The following WASF3 variants were observed in gnomAD, a reference collection of about 807,000 sequenced individuals.
WASF3 encodes the protein WASP family member 3, also known as actin-binding protein WASF3.
A neutral mutation model predicts 46.6 loss-of-function variants in WASF3; 11 were observed. The ratio of observed to expected loss-of-function variants is 0.24; its 90% CI spans 0.15 to 0.39. The LOEUF is 0.39. Ranked by LOEUF, WASF3 falls within the 10% of genes least tolerant of loss-of-function variation. The pLI, the probability that WASF3 is intolerant of heterozygous loss-of-function variation, is 1.00. For synonymous variants in WASF3, 242 were observed against 259.7 expected (o/e 0.93, Z 0.65); for missense variants, 576 against 669.8 (o/e 0.86, Z 1.55).
In WASF3 at chr13:26,681,279, G is replaced by A. The variant is rs979885928; in HGVS notation, c.942G>A (p.Glu314=). Residue 314 remains glutamate, a synonymous_variant, in exon 8 of 10, where the codon GAG becomes GAA. Transcript: ENST00000335327. ...PPPPPPPQAP[E]GSQASAPMAP... ...CCCCGCCTCCCCCTCAGGCCCCAGA[G>A]GGGTCCCAGGCCTCTGCACCGATGG... 3.7e-6 allele frequency: 6 copies of A among 1,612,696 alleles called. No individual in the cohort carries two copies. Among genetic ancestry groups the A allele is most frequent in the Non-Finnish European group, 5.1e-6 (6 of 1,179,572 alleles).
At chr13:26,597,137 A>T (rs566623597) in intron 1 of WASF3, among the ~76,000 whole-genome samples, 10 of 151,960 alleles carry the variant, frequency 6.6e-5, no homozygotes, top group African/African-American at 2.2e-4. Flanking sequence ...ATTTCTATTT[A>T]TTATTATTAT....
At chr13:26,589,494 T>TTAGTA (rs1195558509) in intron 1 of WASF3, among the ~76,000 whole-genome samples, 1 of 152,222 alleles carries the variant, frequency 6.6e-6, no homozygotes, top group Non-Finnish European at 1.5e-5. Flanking sequence ...AAAGTCTTAC[T>TTAGTA]GAGGTTTAGT....
intron 3 of WASF3, among the ~76,000 whole-genome samples, chr13:26,652,433 A>G (rs1373401701): frequency 6.6e-6 from 1 of 152,212 alleles, no homozygotes; most frequent in Non-Finnish European, 1.5e-5. Context: ...GATTTTAACA[A>G]GTACCGCTCA....
the WASF3 span, among the ~76,000 whole-genome samples, chr13:26,548,065 T>C: frequency 1.3e-5 from 2 of 152,170 alleles, no homozygotes; most frequent in Non-Finnish European, 2.9e-5. Context: ...TTGACCTTAT[T>C]TTAAGTTTTG....
intron 1 of WASF3, among the ~76,000 whole-genome samples, chr13:26,574,906 G>A (rs1274880024): frequency 2.7e-5 from 4 of 150,042 alleles, no homozygotes; most frequent in East Asian, 3.9e-4. Context: ...GTGCGATCTC[G>A]GCTCACTGCA....
rs1309156190 is a variant in WASF3, at chr13:26,682,826, A to G, written c.1203A>G (p.Pro401=). The change falls in exon 9 of 10, where the codon CCA becomes CCG. Residue 401 remains proline (P), a synonymous_variant. Coordinates refer to ENST00000335327, the MANE Select transcript of WASF3 (RefSeq NM_006646.6). This position sits in a 1 kb window ranked among gnomAD's most constrained non-coding sequence, Gnocchi z 4.4. ...CAGCCCCGCCACCCCCGGGCCCACCACCTCCCCCGCCAGGCCCTCCTGGTC... is the reference window on the plus strand; with the variant it reads ...CAGCCCCGCCACCCCCGGGCCCACCGCCTCCCCCGCCAGGCCCTCCTGGTC... ...LVTAPPPPGP[P]PPPPGPPGPG... 1 of 1,576,606 alleles carries G rather than the reference A, an allele frequency of 6.3e-7. No homozygotes were observed.
At chr13:26,587,102 CAAAAAAA>C (rs57542558) in intron 1 of WASF3, among the ~76,000 whole-genome samples, 9 of 64,274 alleles carry the variant, frequency 1.4e-4, no homozygotes, top group Admixed American at 1.1e-3. Flanking sequence ...GACCCTGCCT[CAAAAAAA>C]AAAAAAAAAA....
upstream of WASF3, among the ~76,000 whole-genome samples, chr13:26,553,749 G>A (rs1017108228): frequency 6.6e-5 from 10 of 151,554 alleles, no homozygotes; most frequent in South Asian, 2.1e-4. Flanking sequence ...CCCAGGAGGC[G>A]GAGCTTGCAG....
chr13:26,646,733 G>A lies in WASF3; in HGVS notation c.133+4330G>A, dbSNP rs180906481. 4.1e-3 allele frequency among the ~76,000 whole-genome samples: 603 copies of A among 146,846 alleles called. 5 individuals carry two copies. Among genetic ancestry groups the A allele is most frequent in the African/African-American group, 0.014 (570 of 41,442 alleles). ...GCCTGCCCTGGTCATCCCTGCTTGA[G>A]CAGCAGGAACTTGCCCTGGGAGACC... is the stretch of plus-strand genomic sequence containing the variant. On this transcript the variant is annotated intron_variant, in intron 3 of 9. Coordinates refer to ENST00000335327, the MANE Select transcript of WASF3 (RefSeq NM_006646.6).
intron 1 of WASF3, among the ~76,000 whole-genome samples, chr13:26,605,885 C>T (rs912801870): frequency 6.6e-6 from 1 of 152,148 alleles, no homozygotes; most frequent in African/African-American, 2.4e-5. Context: ...TCAATTTGAA[C>T]TTAAATCATC....
chr13:26,638,036 G>A (rs977309968), intron 2 of WASF3: 1 of 152,402 alleles, frequency 6.6e-6, no homozygotes, highest in Non-Finnish European at 1.5e-5. Flanking sequence ...GACCCTTGCA[G>A]TGGGGAGGAG....
chr13:26,646,597 A>G (rs867069307), intron 3 of WASF3, among the ~76,000 whole-genome samples: 1 of 151,938 alleles, frequency 6.6e-6, no homozygotes, highest in Admixed American at 6.6e-5. Flanking sequence ...ACAGATTGGG[A>G]TAGATGATGT....
At chr13:26,598,177 ATCTCATTGTGGT>A (rs904364904) in intron 1 of WASF3, among the ~76,000 whole-genome samples, 2 of 152,324 alleles carry the variant, frequency 1.3e-5, no homozygotes, top group East Asian at 3.9e-4. Flanking sequence ...ATGAGATGGT[ATCTCATTGTGGT>A]TTTGATTTGC....
chr13:26,674,964 T>C (rs1883020901), intron 6 of WASF3, among the ~76,000 whole-genome samples: 1 of 152,256 alleles, frequency 6.6e-6, no homozygotes, highest in African/African-American at 2.4e-5. Flanking sequence ...ACCATTTCTT[T>C]ATCTTCTGTG....
chr13:26,672,056 A>T, intron 6 of WASF3, 67 bp downstream of exon 6: 1 of 1,209,778 alleles, frequency 8.3e-7, no homozygotes, highest in African/African-American at 1.5e-5. Flanking sequence ...TAGAAATAGT[A>T]AATTATTTAA....
chr13:26,678,925 G>A (rs1025845458), intron 7 of WASF3, among the ~76,000 whole-genome samples: 5 of 152,088 alleles, frequency 3.3e-5, no homozygotes, highest in Non-Finnish European at 5.9e-5. Flanking sequence ...ACTTCCTCCC[G>A]TGTGGTGTCG....
At chr13:26,646,927 G>T (rs1593168216) in intron 3 of WASF3, among the ~76,000 whole-genome samples, 1 of 152,306 alleles carries the variant, frequency 6.6e-6, no homozygotes, top group East Asian at 1.9e-4. Context: ...AAATGACTTT[G>T]CATAAAGCAA....
At chr13:26,658,126 G>A (rs9512309) in intron 3 of WASF3, among the ~76,000 whole-genome samples, 15,416 of 35,004 alleles carry the variant, frequency 0.44, 850 homozygotes, top group South Asian at 0.53. Context: ...TTTGCAAGAG[G>A]CTATTGTGTA....
At chr13:26,541,294 C>G in the WASF3 span, among the ~76,000 whole-genome samples, 91,971 of 151,858 alleles carry the variant, frequency 0.61, 28,659 homozygotes, top group South Asian at 0.7. Flanking sequence ...CAGGGAAAGG[C>G]GGAACTTAAG....
Sources: allele counts gnomAD v4.1 joint callset (sites outside exome capture counted in the v4.1 genomes callset), GRCh38; gene constraint gnomAD v4.1.1; non-coding constraint Gnocchi (gnomAD v3.1); transcripts MANE v1.5; gene names NCBI Gene and HGNC (gene_info 2026-07-23, HGNC 2026-07-21).